The following MCTP1 variants were observed in gnomAD, a reference collection of about 807,000 sequenced individuals.
MCTP1 encodes the protein multiple C2 and transmembrane domain-containing protein 1.
A neutral mutation model predicts 120.6 loss-of-function variants in MCTP1; 69 were observed. The observed-to-expected ratio is 0.57, with a 90% CI of 0.47 to 0.70. The LOEUF is 0.70. MCTP1 is among the 30% of genes least tolerant of loss of function. The probability of loss-of-function intolerance (pLI) is 0.00; values close to 1 mark genes in which losing one functional copy is unlikely to be tolerated. For synonymous variants in MCTP1, 529 were observed against 493.1 expected (o/e 1.07, Z -0.96); for missense variants, 1,203 against 1,248.8 (o/e 0.96, Z 0.55).
chr5:95,073,837 A>G (rs1752856885), intron 1 of MCTP1, among the ~76,000 whole-genome samples: 2 of 152,038 alleles, frequency 1.3e-5, no homozygotes, highest in Non-Finnish European at 2.9e-5. Context: ...CTTAAAATTT[A>G]TACTCTTGCT....
rs1754601073 is a variant in MCTP1 at position 94,706,387 on chromosome 5, A to C, written c.*1109T>G. 1 of 150,964 alleles carries C rather than the reference A, an allele frequency of 6.6e-6. No homozygotes were observed. The highest frequency in any genetic ancestry group is 1.5e-5 in the Non-Finnish European group (1 of 67,644). 9.4% of individuals were successfully genotyped at this position (150,964 alleles called of 1,614,324 possible). On this transcript the variant is annotated 3_prime_UTR_variant, in exon 23 of 23. Coordinates refer to ENST00000515393, the MANE Select transcript of MCTP1 (RefSeq NM_024717.7). ...TGAAACATTGATAAAGGCAACCACCACCCCCAAGCAGTTTATTTTATTTTA... is the reference window on the plus strand; with the variant it reads ...TGAAACATTGATAAAGGCAACCACCCCCCCCAAGCAGTTTATTTTATTTTA...
chr5:95,204,186 A>G (rs900454285), intron 1 of MCTP1, among the ~76,000 whole-genome samples: 1 of 152,208 alleles, frequency 6.6e-6, no homozygotes. Flanking sequence ...CCATTCCTAT[A>G]CAACTTATAA....
chr5:94,853,532 T>C (rs1794157383), intron 17 of MCTP1, among the ~76,000 whole-genome samples: 1 of 151,968 alleles, frequency 6.6e-6, no homozygotes, highest in Non-Finnish European at 1.5e-5. Flanking sequence ...TTGTATTGCA[T>C]AGAGAAAGGT....
intron 19 of MCTP1, among the ~76,000 whole-genome samples, chr5:94,760,509 T>C (rs1771073158): frequency 6.6e-6 from 1 of 152,176 alleles, no homozygotes; most frequent in Non-Finnish European, 1.5e-5. Flanking sequence ...TCTTCCCAAA[T>C]CATTGCTGAT....
At chr5:94,966,176 T>C (rs1825550567) in intron 2 of MCTP1, among the ~76,000 whole-genome samples, 1 of 152,190 alleles carries the variant, frequency 6.6e-6, no homozygotes, top group African/African-American at 2.4e-5. Flanking sequence ...TCGTAACAAT[T>C]AAGCTAATAA....
intron 2 of MCTP1, among the ~76,000 whole-genome samples, chr5:94,966,413 C>A (rs1340466805): frequency 6.6e-6 from 1 of 152,142 alleles, no homozygotes; most frequent in Non-Finnish European, 1.5e-5. Context: ...GTTTAATCAC[C>A]ACTATCTCAG....
Position 94,704,116 on chromosome 5 carries a change from G to GT in MCTP1, c.*3379dup, listed in dbSNP as rs1008213307. 4.6e-5 allele frequency: 7 copies of GT among 150,620 alleles called. No individual in the cohort carries two copies. The highest frequency in any genetic ancestry group is 1.5e-4 in the African/African-American group (6 of 41,308). The allele number at this position is 150,620 out of a possible 1,614,324, so 9.3% of individuals were successfully genotyped here. On this transcript the variant is annotated 3_prime_UTR_variant, in exon 23 of 23. Coordinates refer to ENST00000515393, the MANE Select transcript of MCTP1 (RefSeq NM_024717.7). ...AATTTACCACATTATTTTCTATGTG[G>GT]TTTTAATTCATACTTTACTGAGCAA...
chr5:95,065,277 G>A (rs1453647337), intron 1 of MCTP1, among the ~76,000 whole-genome samples: 1 of 151,244 alleles, frequency 6.6e-6, no homozygotes, highest in Non-Finnish European at 1.5e-5. Context: ...GCCAATAATT[G>A]AATATCAAAA....
At chr5:95,269,669 G>T (rs1374262707) in intron 1 of MCTP1, among the ~76,000 whole-genome samples, 2 of 152,232 alleles carry the variant, frequency 1.3e-5, no homozygotes, top group Non-Finnish European at 2.9e-5. Flanking sequence ...TAGCACTGGC[G>T]TGGTGATGTG....
chr5:95,280,917 G>C (rs1760264658), intron 1 of MCTP1, among the ~76,000 whole-genome samples: 1 of 152,140 alleles, frequency 6.6e-6, no homozygotes, highest in African/African-American at 2.4e-5. Flanking sequence ...CACTGTCAGA[G>C]TACGTGCACA....
chr5:95,010,093 G>C (rs992597641), intron 2 of MCTP1, among the ~76,000 whole-genome samples: 1 of 152,060 alleles, frequency 6.6e-6, no homozygotes, highest in Non-Finnish European at 1.5e-5. Context: ...GTAGGTGAGG[G>C]CATCCTTGTC....
At chr5:95,169,446 G>A (rs1746912965) in intron 1 of MCTP1, among the ~76,000 whole-genome samples, 1 of 152,122 alleles carries the variant, frequency 6.6e-6, no homozygotes, top group Admixed American at 6.5e-5. Flanking sequence ...TTTTTCTGTT[G>A]ATTGGAATAG....
intron 17 of MCTP1, among the ~76,000 whole-genome samples, chr5:94,824,621 C>T (rs540506333): frequency 6.6e-6 from 1 of 152,244 alleles, no homozygotes; most frequent in Non-Finnish European, 1.5e-5. Flanking sequence ...GTTACCAGCT[C>T]CTCTTTGTAC....
At chr5:94,871,252 CTTT>C (rs201600301) in intron 14 of MCTP1, 60 bp downstream of exon 14, 310 of 865,368 alleles carry the variant, frequency 3.6e-4, no homozygotes, top group Admixed American at 5.8e-4. Flanking sequence ...GTTTTCTTTT[CTTT>C]TTTTTTTTTT....
intron 2 of MCTP1, among the ~76,000 whole-genome samples, chr5:94,991,584 C>T (rs1831551494): frequency 6.6e-6 from 1 of 152,056 alleles, no homozygotes; most frequent in Non-Finnish European, 1.5e-5. Flanking sequence ...AAGAAGAAAA[C>T]AGCAGCTTCA....
At chr5:94,745,965 G>C (rs1051756808) in intron 19 of MCTP1, among the ~76,000 whole-genome samples, 1 of 152,162 alleles carries the variant, frequency 6.6e-6, no homozygotes, top group African/African-American at 2.4e-5. Flanking sequence ...TGCCCCAGCT[G>C]TAAGCATTGC....
At chr5:94,936,088 G>A (rs746155996) in intron 5 of MCTP1, among the ~76,000 whole-genome samples, 13 of 151,876 alleles carry the variant, frequency 8.6e-5, no homozygotes, top group Non-Finnish European at 1.3e-4. Flanking sequence ...GTCATCATTC[G>A]AATTCCATGG....
chr5:94,983,154 C>T (rs533370045), intron 2 of MCTP1, among the ~76,000 whole-genome samples: 4 of 152,094 alleles, frequency 2.6e-5, no homozygotes, highest in African/African-American at 9.6e-5. Flanking sequence ...TTGAATTCTG[C>T]CAATACCAGG....
At position 94,714,871 on chromosome 5, in the gene MCTP1, CCTTT is replaced by C; in HGVS notation, c.2622_2625del (p.Lys875AspfsTer3). 1 of 1,606,194 alleles carries C rather than the reference CCTTT, an allele frequency of 6.2e-7. No individual in the cohort carries two copies. The highest frequency in any genetic ancestry group is 8.5e-7 in the Non-Finnish European group (1 of 1,173,112). ...ATGGCATAGATTTTATTTATAAATC[CCTTT>C]TTTTCACTGTCCTAAAATGCAATAA... On this transcript the variant is annotated frameshift_variant, in exon 20 of 23. Coordinates refer to ENST00000515393, the MANE Select transcript of MCTP1 (RefSeq NM_024717.7). LOFTEE classifies it high-confidence loss of function.
Sources: gnomAD v4.1 joint callset for allele counts (sites outside exome capture counted in the v4.1 genomes callset) on GRCh38, gnomAD v4.1.1 for gene constraint, MANE v1.5 for transcripts, NCBI Gene and HGNC (gene_info 2026-07-23, HGNC 2026-07-21) for gene names.